The following NF1 variants were observed in gnomAD, a reference collection of about 807,000 sequenced individuals.
NF1 encodes neurofibromin.
In NF1, 122 loss-of-function variants were observed where a neutral mutation model predicts 325.7. The observed-to-expected ratio is 0.37, with a 90% confidence interval of 0.32 to 0.44. The LOEUF is 0.44. NF1 is among the 20% of genes least tolerant of loss of function. The pLI, the probability that NF1 is intolerant of heterozygous loss-of-function variation, is 1.00. For missense variants in NF1, 2,140 were observed against 3,415.4 expected (o/e 0.63, Z 9.31); for synonymous variants, 1,091 against 1,186.0 (o/e 0.92, Z 1.65).
chr17:31,231,923 A>G, intron 24 of NF1, 150 bp from the exon 25 acceptor site: 1 of 578,784 alleles, frequency 1.7e-6, no homozygotes, highest in African/African-American at 1.9e-5. Context: ...ATTAACTCAA[A>G]TTATTTGGGT....
chr17:31,296,283 A>G, intron 36 of NF1: 4 of 1,614,094 alleles, frequency 2.5e-6, no homozygotes, highest in Non-Finnish European at 3.4e-6. Context: ...GGTGTGAGAA[A>G]CAGAAGGATG....
chr17:31,138,026 A>G (rs551253478), intron 1 of NF1: 2 of 152,146 alleles, frequency 1.3e-5, no homozygotes, highest in African/African-American at 2.4e-5. Flanking sequence ...CAATAATAAC[A>G]TGTTGGGATA....
rs192174589 is a variant in NF1, at chr17:31,351,456, G to A, written c.7458-801G>A. 1.6e-4 allele frequency among the ~76,000 whole-genome samples: 25 copies of A among 151,604 alleles called. No individual in the cohort carries two copies. In the South Asian group the frequency reaches 1.7e-3, roughly 10 times the overall value. The stretch of plus-strand genomic sequence containing the variant: ...TTTTGAGACAGAGTCTTGCTCTGTC[G>A]CCCAGGCTGGAGTGCAGTAACACAA... On this transcript the variant is annotated intron_variant, in intron 50 of 57. Transcript: ENST00000358273.
intron 1 of NF1, among the ~76,000 whole-genome samples, chr17:31,146,870 C>T (rs1325126368): frequency 6.6e-6 from 1 of 152,158 alleles, no homozygotes; most frequent in Non-Finnish European, 1.5e-5. Context: ...AAGGATATGA[C>T]CTTGAACAGG....
chr17:31,200,645 A>T (rs1352917434), intron 9 of NF1, 50 bp downstream of exon 9: 1 of 1,574,774 alleles, frequency 6.4e-7, no homozygotes, highest in African/African-American at 1.3e-5. Flanking sequence ...AATTAAATGA[A>T]TTTTCTAGCA....
At chr17:31,231,023 C>A in intron 24 of NF1, 98 bp downstream of exon 24, 1 of 951,600 alleles carries the variant, frequency 1.1e-6, no homozygotes, top group South Asian at 1.4e-5. Flanking sequence ...TGTATTTAAA[C>A]TTTTGAGATG....
chr17:31,258,628 T>C, intron 32 of NF1, 126 bp downstream of exon 32: 1 of 1,018,596 alleles, frequency 9.8e-7, no homozygotes, highest in Non-Finnish European at 1.4e-6. Flanking sequence ...TGTGCTTTTG[T>C]TTTATTTGTT....
Position 31,235,980 on chromosome 17 carries a change from C to G in NF1, c.3933C>G (p.Ser1311=), listed in dbSNP as rs2151438629. 1.2e-6 allele frequency: 2 copies of G among 1,613,930 alleles called. No homozygotes were observed. The highest frequency in any genetic ancestry group is 1.7e-6 in the Non-Finnish European group (2 of 1,179,962). The change falls in exon 29 of 58, where the codon TCC becomes TCG. Residue 1311 remains serine (S), a synonymous_variant. Coordinates refer to ENST00000358273, the MANE Select transcript of NF1 (RefSeq NM_001042492.3). ...CTTTATTACGAATTGTGATCACATC[C>G]TCTGATTGGCAACATGTTAGCTTTG... ...LDPLLRIVIT[S]SDWQHVSFEV...
chr17:31,299,700 G>A (rs2068536022), intron 36 of NF1: 1 of 152,028 alleles, frequency 6.6e-6, no homozygotes, highest in Non-Finnish European at 1.5e-5. Context: ...ACAACTGAGA[G>A]TACTCAATAA....
At chr17:31,109,230 C>T (rs190091823) in intron 1 of NF1, among the ~76,000 whole-genome samples, 1 of 152,276 alleles carries the variant, frequency 6.6e-6, no homozygotes, top group African/African-American at 2.4e-5. Context: ...GACCACATTT[C>T]TCTTACCATA....
chr17:31,301,481 G>A (rs547186091), intron 36 of NF1, among the ~76,000 whole-genome samples: 11 of 152,196 alleles, frequency 7.2e-5, no homozygotes, highest in African/African-American at 2.6e-4. Context: ...GTACCACAGT[G>A]TTTTAGTTAT....
At chr17:31,254,889 A>G (rs752498066) in intron 31 of NF1, among the ~76,000 whole-genome samples, 1 of 152,206 alleles carries the variant, frequency 6.6e-6, no homozygotes, top group Non-Finnish European at 1.5e-5. Flanking sequence ...ATTCCAAAGT[A>G]TGAAGACAGT....
intron 36 of NF1, among the ~76,000 whole-genome samples, chr17:31,287,790 C>A (rs949272595): frequency 7.5e-4 from 114 of 152,024 alleles, no homozygotes; most frequent in African/African-American, 2.6e-3. Context: ...CTGCCCACCT[C>A]GGCTTCCCAG....
chr17:31,217,398 G>C (rs1271106609), intron 13 of NF1, among the ~76,000 whole-genome samples: 1 of 151,012 alleles, frequency 6.6e-6, no homozygotes, highest in Non-Finnish European at 1.5e-5. Flanking sequence ...TGCAACCTCC[G>C]CCTCCTGGGT....
intron 36 of NF1, among the ~76,000 whole-genome samples, chr17:31,316,011 C>T (rs369178633): frequency 1.3e-5 from 2 of 152,188 alleles, no homozygotes; most frequent in East Asian, 3.9e-4. Context: ...ATCCTCCTGC[C>T]TCAGCCTCTC....
At position 31,360,555 on chromosome 17, in the gene NF1, G is replaced by C. The variant is rs1060503917; in HGVS notation, c.8229G>C (p.Leu2743=). The part of the protein sequence containing the change: ...KFLDALIDTY[L]PGIDEETSEE... ...TTGATGCCTTGATTGACACGTACCTGCCTGGAATTGATGAAGAAACCAGTG... is the reference window on the plus strand; with the variant it reads ...TTGATGCCTTGATTGACACGTACCTCCCTGGAATTGATGAAGAAACCAGTG... The change falls in exon 57 of 58, where the codon CTG becomes CTC. Residue 2743 remains leucine (L), a synonymous_variant. Transcript: ENST00000358273. 7 of 1,614,048 alleles carry C rather than the reference G, an allele frequency of 4.3e-6. 1 individual carries two copies. In the South Asian group the frequency reaches 6.6e-5, roughly 15 times the overall value.
At chr17:31,259,172 A>G in intron 33 of NF1, 43 bp downstream of exon 33, 1 of 1,387,056 alleles carries the variant, frequency 7.2e-7, no homozygotes, top group Non-Finnish European at 1.0e-6. Flanking sequence ...TTTGAATCAA[A>G]TATTTTCGGT....
rs753911904 is a variant in NF1 at position 31,304,823 on chromosome 17, A to C, written c.4836-20997A>C. 2.5e-6 allele frequency: 4 copies of C among 1,613,906 alleles called. No homozygotes were observed. The highest frequency in any genetic ancestry group is 3.4e-6 in the Non-Finnish European group (4 of 1,179,986). On this transcript the variant is annotated intron_variant, in intron 36 of 57. Coordinates refer to ENST00000358273, the MANE Select transcript of NF1 (RefSeq NM_001042492.3). ...GAAATGATTGATGTACGTTTTGTGG[A>C]TATTTCATTTTCTCTGATGTTATCC...
chr17:31,108,822 G>A (rs998181149), intron 1 of NF1, among the ~76,000 whole-genome samples: 5 of 152,110 alleles, frequency 3.3e-5, no homozygotes, highest in Non-Finnish European at 7.4e-5. Context: ...AGTTAACAGG[G>A]GGGCAAGCCA....
Sources: gnomAD v4.1 joint callset for allele counts (sites outside exome capture counted in the v4.1 genomes callset) on GRCh38, gnomAD v4.1.1 for gene constraint, MANE v1.5 for transcripts, NCBI Gene and HGNC (gene_info 2026-07-23, HGNC 2026-07-21) for gene names.